The following FHIT variants were observed in gnomAD, a reference collection of about 807,000 sequenced individuals.
The protein encoded by FHIT is bis(5'-adenosyl)-triphosphatase.
In FHIT, 19 loss-of-function variants were observed where a neutral mutation model predicts 17.9. The ratio of observed to expected loss-of-function variants is 1.06; its 90% CI spans 0.74 to 1.56. FHIT has a LOEUF of 1.56. FHIT is among the 40% of genes most tolerant of loss of function. The probability of loss-of-function intolerance (pLI) is 0.00; values close to 1 mark genes in which losing one functional copy is unlikely to be tolerated. For missense variants in FHIT, 248 were observed against 189.2 expected (o/e 1.31, Z -1.82); for synonymous variants, 81 against 69.7 (o/e 1.16, Z -0.81).
chr3:59,778,976 C>T (rs11130732), intron 8 of FHIT, among the ~76,000 whole-genome samples: 1 of 152,028 alleles, frequency 6.6e-6, no homozygotes, highest in South Asian at 2.1e-4. Flanking sequence ...AAGACTAACT[C>T]AAAGTGGCTA....
intron 4 of FHIT, among the ~76,000 whole-genome samples, chr3:60,642,189 G>A (rs1553685479): frequency 6.6e-6 from 1 of 152,136 alleles, no homozygotes; most frequent in African/African-American, 2.4e-5. Context: ...GGAAGCCCAG[G>A]TGACACAGTC....
intron 5 of FHIT, among the ~76,000 whole-genome samples, chr3:60,529,702 G>C (rs2035702025): frequency 6.6e-6 from 1 of 152,158 alleles, no homozygotes. Context: ...TGTTAACCAT[G>C]ACAGTTTAAA....
intron 2 of FHIT, among the ~76,000 whole-genome samples, chr3:61,118,291 G>A (rs1383048492): frequency 6.6e-6 from 1 of 152,134 alleles, no homozygotes; most frequent in Non-Finnish European, 1.5e-5. Context: ...ATTTTCCCCT[G>A]GTTATCTCTA....
chr3:60,071,947 T>C (rs543248181), intron 5 of FHIT, among the ~76,000 whole-genome samples: 1 of 152,328 alleles, frequency 6.6e-6, no homozygotes, highest in South Asian at 2.1e-4. Flanking sequence ...TGCTTCTCTT[T>C]TGCCTTCCAC....
At chr3:60,236,458 T>C (rs1040889556) in intron 5 of FHIT, among the ~76,000 whole-genome samples, 1 of 152,016 alleles carries the variant, frequency 6.6e-6, no homozygotes, top group African/African-American at 2.4e-5. Context: ...TTCCATTCTA[T>C]CCCCAGTAGA....
At chr3:59,778,720 G>A (rs58452146) in intron 8 of FHIT, among the ~76,000 whole-genome samples, 5,672 of 152,278 alleles carry the variant, frequency 0.037, 146 homozygotes, top group South Asian at 0.081. Flanking sequence ...AAGAACTGGG[G>A]AGTACTTTAG....
chr3:61,218,673 A>T (rs2039752410), intron 1 of FHIT, among the ~76,000 whole-genome samples: 1 of 152,194 alleles, frequency 6.6e-6, no homozygotes, highest in African/African-American at 2.4e-5. Context: ...GTTGAAAGGG[A>T]CAGGTGGTAG....
At chr3:60,078,944 T>C (rs182020507) in intron 5 of FHIT, among the ~76,000 whole-genome samples, 1 of 151,922 alleles carries the variant, frequency 6.6e-6, no homozygotes, top group Admixed American at 6.6e-5. Flanking sequence ...GAATTAAAAG[T>C]TAAAAAAGAA....
intron 3 of FHIT, among the ~76,000 whole-genome samples, chr3:60,890,667 C>A (rs2107173288): frequency 6.6e-6 from 1 of 152,270 alleles, no homozygotes; most frequent in East Asian, 1.9e-4. Flanking sequence ...CTAGGAGCAG[C>A]TTTTCCAAAT....
intron 3 of FHIT, among the ~76,000 whole-genome samples, chr3:61,007,512 AAATAT>A (rs1307411573): frequency 1.3e-5 from 2 of 152,206 alleles, no homozygotes; most frequent in Non-Finnish European, 2.9e-5. Flanking sequence ...TAAACCTAAA[AAATAT>A]AATATATGAT....
intron 7 of FHIT, among the ~76,000 whole-genome samples, chr3:59,948,457 C>A (rs948860693): frequency 6.6e-6 from 1 of 151,512 alleles, no homozygotes; most frequent in Non-Finnish European, 1.5e-5. Flanking sequence ...GTGGAGGTTG[C>A]AGTGAGCTGA....
At chr3:59,943,133 G>T (rs948019601) in intron 7 of FHIT, among the ~76,000 whole-genome samples, 5 of 139,214 alleles carry the variant, frequency 3.6e-5, no homozygotes, top group African/African-American at 1.3e-4. Flanking sequence ...ACATAGTTTT[G>T]CCGAGATCTT....
At chr3:60,943,738 C>T (rs1383963678) in intron 3 of FHIT, among the ~76,000 whole-genome samples, 1 of 152,146 alleles carries the variant, frequency 6.6e-6, no homozygotes, top group Non-Finnish European at 1.5e-5. Context: ...CTATCTTACA[C>T]TCATAATTTA....
At chr3:60,440,160 T>G (rs1294218503) in intron 5 of FHIT, among the ~76,000 whole-genome samples, 1 of 152,086 alleles carries the variant, frequency 6.6e-6, no homozygotes, top group Non-Finnish European at 1.5e-5. Flanking sequence ...CTAGGCTTCT[T>G]GGAATGATTT....
chr3:60,685,747 G>A (rs913035972), intron 4 of FHIT, among the ~76,000 whole-genome samples: 18 of 152,048 alleles, frequency 1.2e-4, no homozygotes, highest in East Asian at 3.9e-4. Flanking sequence ...ACACATGTAT[G>A]AATCTATTTA....
At chr3:60,300,111 C>G (rs1708389036) in intron 5 of FHIT, among the ~76,000 whole-genome samples, 1 of 152,038 alleles carries the variant, frequency 6.6e-6, no homozygotes, top group Admixed American at 6.6e-5. Context: ...CTCCAGGTCT[C>G]TAGCTGATCT....
At chr3:60,690,119 A>C (rs2100047093) in intron 4 of FHIT, 1 of 341,822 alleles carries the variant, frequency 2.9e-6, no homozygotes, top group African/African-American at 2.1e-5. Context: ...ACTGCAGTGA[A>C]AGCACAAAGA....
At position 61,217,255 on chromosome 3, in the gene FHIT, A is replaced by G. The variant is rs191749617; in HGVS notation, c.-212-16590T>C. 1.1e-4 allele frequency among the ~76,000 whole-genome samples: 16 copies of G among 152,310 alleles called. 1 individual carries two copies. In the East Asian group the frequency reaches 2.9e-3, roughly 28 times the overall value. ...GCAGGATGGCTTTTCTGTATGCTAC[A>G]AAGCCTGAGGCTTCCGCTAGCAGAC... On this transcript the variant is annotated intron_variant, in intron 1 of 9. Coordinates refer to ENST00000492590, the MANE Select transcript of FHIT (RefSeq NM_002012.4).
intron 5 of FHIT, among the ~76,000 whole-genome samples, chr3:60,418,730 G>C (rs531956574): frequency 2.0e-5 from 3 of 150,668 alleles, no homozygotes; most frequent in Non-Finnish European, 4.4e-5. Context: ...CTGCACTCCA[G>C]CATGGGGAAC....
Sources: gnomAD v4.1 joint callset for allele counts (sites outside exome capture counted in the v4.1 genomes callset) on GRCh38, gnomAD v4.1.1 for gene constraint, MANE v1.5 for transcripts, NCBI Gene and HGNC (gene_info 2026-07-23, HGNC 2026-07-21) for gene names.